The following DOCK2 variants were observed in gnomAD, a reference collection of about 807,000 sequenced individuals.
DOCK2 encodes dedicator of cytokinesis protein 2.
DOCK2 carries 87 observed loss-of-function variants against 248.9 expected under a neutral mutation model. The ratio of observed to expected loss-of-function variants is 0.35; its 90% CI spans 0.29 to 0.42. DOCK2 has a LOEUF of 0.42. Ranked by LOEUF, DOCK2 falls within the 10% of genes least tolerant of loss-of-function variation. DOCK2 has a pLI of 1.00. For synonymous variants in DOCK2, 805 were observed against 821.6 expected (o/e 0.98, Z 0.35); for missense variants, 1,747 against 2,300.2 (o/e 0.76, Z 4.92).
chr5:169,725,274 G>A (rs996431013), intron 22 of DOCK2, among the ~76,000 whole-genome samples: 6 of 152,110 alleles, frequency 3.9e-5, no homozygotes, highest in Admixed American at 6.5e-5. Flanking sequence ...TTAACTTGGC[G>A]TCAGATCAGG....
intron 25 of DOCK2, among the ~76,000 whole-genome samples, chr5:169,761,990 A>C (rs573661053): frequency 3.2e-4 from 48 of 152,380 alleles, no homozygotes; most frequent in African/African-American, 1.1e-3. Context: ...GTGTGTAAGA[A>C]TAAACTGGAG....
At position 170,034,334 on chromosome 5, in the gene DOCK2, C is replaced by T. The variant is rs191912120; in HGVS notation, c.3468-65C>T. 2.5e-6 allele frequency: 4 copies of T among 1,588,000 alleles called. No individual in the cohort carries two copies. In the South Asian group the frequency reaches 4.5e-5, roughly 18 times the overall value. On this transcript the variant is annotated intron_variant, in intron 34 of 51. Transcript: ENST00000520908. ...TTTTGCATGTGCTCCATCCCACCGC[C>T]CACTGGCCCCAGCACAGTCTTTCTC...
At chr5:169,645,910 C>T (rs264872) in intron 1 of DOCK2, among the ~76,000 whole-genome samples, 79,087 of 151,760 alleles carry the variant, frequency 0.52, 20,711 homozygotes, top group Non-Finnish European at 0.56. Flanking sequence ...CCACCACGCC[C>T]GGCTAATTTT....
chr5:169,720,376 C>T (rs1476137958), intron 22 of DOCK2, among the ~76,000 whole-genome samples: 1 of 152,156 alleles, frequency 6.6e-6, no homozygotes, highest in Non-Finnish European at 1.5e-5. Context: ...CTTCTCAGAC[C>T]TTTTCAGTTC....
chr5:169,692,386 G>T (rs1170524927), intron 9 of DOCK2, among the ~76,000 whole-genome samples: 5 of 152,208 alleles, frequency 3.3e-5, no homozygotes, highest in African/African-American at 4.8e-5. Flanking sequence ...AAGCAGAAAT[G>T]ACTGGGAGAC....
intron 25 of DOCK2, chr5:169,772,936 C>T (rs535568897): frequency 1.3e-5 from 2 of 152,258 alleles, no homozygotes; most frequent in East Asian, 3.9e-4. Flanking sequence ...TGTGCTGGAG[C>T]GTTTCATTTC....
intron 30 of DOCK2, among the ~76,000 whole-genome samples, chr5:170,008,229 A>C (rs75318902): frequency 0.16 from 21,833 of 139,242 alleles, 1,952 homozygotes; most frequent in East Asian, 0.24. Context: ...CAACAACAAA[A>C]AAAAAAAAAC....
At chr5:169,989,157 T>C (rs1446697061) in intron 29 of DOCK2, among the ~76,000 whole-genome samples, 1 of 152,226 alleles carries the variant, frequency 6.6e-6, no homozygotes, top group Non-Finnish European at 1.5e-5. Context: ...GTTTTCTAGA[T>C]TTTAATGTCT....
At position 169,996,742 on chromosome 5, in the gene DOCK2, C is replaced by T. The variant is rs199772566; in HGVS notation, c.3072+578C>T. 2.0e-4 allele frequency among the ~76,000 whole-genome samples: 30 copies of T among 152,258 alleles called. No individual in the cohort carries two copies. The East Asian group carries it at 4.3e-3, about 22-fold the overall frequency. ...ATTGCTTCCTCTGCCTGGAGATGTG[C>T]GAGGGAAGGCCCCCCACAAAAGGAT... On this transcript the variant is annotated intron_variant, in intron 30 of 51. Transcript: ENST00000520908.
At chr5:169,994,768 G>T (rs1754541512) in intron 29 of DOCK2, among the ~76,000 whole-genome samples, 2 of 152,188 alleles carry the variant, frequency 1.3e-5, no homozygotes, top group Non-Finnish European at 1.5e-5. Context: ...CATGAGGGGA[G>T]AGACTGTCCA....
rs894763181 is a variant in DOCK2, at chr5:170,065,476, C to A, written c.4468-2034C>A. Among the ~76,000 whole-genome samples the A allele has an allele frequency of 6.0e-4, 86 of 144,390 alleles. No individual in the cohort carries two copies. The East Asian group carries it at 6.0e-3, about 10-fold the overall frequency. The allele number at this position is 144,390 out of a possible 152,430, so 94.7% of individuals were successfully genotyped here. A position where few individuals can be genotyped will look rare whatever the true frequency, so the allele number is the denominator to read the frequency against. ...GAATAGAGTGACTGAACAACAACAA[C>A]AAAAAAACCTAATGATATTGTATAT... is the stretch of plus-strand genomic sequence containing the variant. On this transcript the variant is annotated intron_variant, in intron 44 of 51. Transcript: ENST00000520908.
At chr5:170,075,466 C>G (rs1027047580) in intron 46 of DOCK2, 3 of 154,882 alleles carry the variant, frequency 1.9e-5, no homozygotes, top group African/African-American at 7.2e-5. Flanking sequence ...GCAATTGGCT[C>G]CATGTGGTAA....
At chr5:169,808,032 A>G (rs1185590724) in intron 26 of DOCK2, among the ~76,000 whole-genome samples, 1 of 152,048 alleles carries the variant, frequency 6.6e-6, no homozygotes, top group Admixed American at 6.6e-5. Flanking sequence ...ACAGGCACCA[A>G]CTTCTCAAAA....
Position 170,019,223 on chromosome 5 carries a change from AG to A in DOCK2, c.3381+118del, listed in dbSNP as rs1339308545. Reference sequence around the variant, plus strand: ...TCATTGAGAGGCTCGGCGGCAGGATAGGGACATTTATTCATGGGTCCGGAAT... The same window carrying A: ...TCATTGAGAGGCTCGGCGGCAGGATAGGACATTTATTCATGGGTCCGGAAT... On this transcript the variant is annotated intron_variant, in intron 33 of 51. Transcript: ENST00000520908. 3 of 1,505,242 alleles carry A rather than the reference AG, an allele frequency of 2.0e-6. No individual in the cohort carries two copies. In the East Asian group the frequency reaches 6.8e-5, roughly 34 times the overall value. The allele number at this position is 1,505,242 out of a possible 1,614,324, so 93.2% of individuals were successfully genotyped here.
chr5:169,836,911 T>C (rs1769615507), intron 26 of DOCK2, among the ~76,000 whole-genome samples: 1 of 152,222 alleles, frequency 6.6e-6, no homozygotes, highest in Non-Finnish European at 1.5e-5. Context: ...TTACTTAAAA[T>C]ATTCTCATAT....
chr5:169,653,723 C>A (rs1757936331), intron 1 of DOCK2, among the ~76,000 whole-genome samples: 1 of 152,212 alleles, frequency 6.6e-6, no homozygotes, highest in Non-Finnish European at 1.5e-5. Flanking sequence ...ACCTCCTGAG[C>A]CCAGACCATC....
intron 1 of DOCK2, among the ~76,000 whole-genome samples, chr5:169,654,080 A>G (rs904789055): frequency 6.6e-6 from 1 of 152,218 alleles, no homozygotes; most frequent in Non-Finnish European, 1.5e-5. Flanking sequence ...TTGTAGCAAA[A>G]CATGCATAAC....
At chr5:169,655,707 GACAC>G (rs757417761) in intron 2 of DOCK2, among the ~76,000 whole-genome samples, 5 of 152,046 alleles carry the variant, frequency 3.3e-5, no homozygotes, top group Non-Finnish European at 4.4e-5. Context: ...CACACACAAA[GACAC>G]ACACAAACAT....
intron 48 of DOCK2, among the ~76,000 whole-genome samples, chr5:170,078,138 A>G (rs1029504428): frequency 2.0e-5 from 3 of 152,080 alleles, no homozygotes. Flanking sequence ...GCTCCTCACC[A>G]AGCCTGCATC....
Sources: gnomAD v4.1 joint callset for allele counts (sites outside exome capture counted in the v4.1 genomes callset) on GRCh38, gnomAD v4.1.1 for gene constraint, MANE v1.5 for transcripts, NCBI Gene and HGNC (gene_info 2026-07-23, HGNC 2026-07-21) for gene names.